NRG1: variants seen among roughly 807,000 people sequenced by gnomAD.
NRG1 encodes the protein pro-neuregulin-1, membrane-bound isoform.
In NRG1, 18 loss-of-function variants were observed where a neutral mutation model predicts 63.8. The observed-to-expected ratio is 0.28, with a 90% CI of 0.19 to 0.42. NRG1 has a LOEUF of 0.42. Ranked by LOEUF, NRG1 falls within the 10% of genes least tolerant of loss-of-function variation. The pLI, the probability that NRG1 is intolerant of heterozygous loss-of-function variation, is 1.00. For missense variants in NRG1, 762 were observed against 814.7 expected, an observed-to-expected ratio of 0.94 and a Z score of 0.79; for synonymous variants, 302 against 301.3, an observed-to-expected ratio of 1.00 and a Z score of -0.02.
At chr8:32,234,498 A>T (rs1198317951) in intron 1 of NRG1, among the ~76,000 whole-genome samples, 2 of 152,218 alleles carry the variant, frequency 1.3e-5, no homozygotes, top group African/African-American at 4.8e-5. Flanking sequence ...CTTGTCCAAT[A>T]TCACAACTTT....
chr8:32,464,262 A>G (rs1563499579), intron 1 of NRG1, among the ~76,000 whole-genome samples: 1 of 149,386 alleles, frequency 6.7e-6, no homozygotes, highest in Non-Finnish European at 1.5e-5. Context: ...TATATTCCCT[A>G]ATTTAAACTT....
At chr8:31,895,819 T>C (rs977627563) in intron 1 of NRG1, among the ~76,000 whole-genome samples, 1 of 152,188 alleles carries the variant, frequency 6.6e-6, no homozygotes, top group African/African-American at 2.4e-5. Flanking sequence ...AACAACTTCT[T>C]TGGCATAGAA....
At chr8:32,177,928 A>G (rs1840979801) in intron 1 of NRG1, among the ~76,000 whole-genome samples, 2 of 152,116 alleles carry the variant, frequency 1.3e-5, no homozygotes, top group African/African-American at 4.8e-5. Flanking sequence ...TTTGTTGTGT[A>G]CAGTGATAGA....
chr8:32,325,316 A>G (rs975107329), intron 1 of NRG1, among the ~76,000 whole-genome samples: 1 of 152,204 alleles, frequency 6.6e-6, no homozygotes, highest in Non-Finnish European at 1.5e-5. Context: ...GCACAATGGC[A>G]TTGATATCAA....
intron 1 of NRG1, among the ~76,000 whole-genome samples, chr8:31,677,682 G>A (rs971990690): frequency 3.9e-5 from 6 of 152,060 alleles, no homozygotes; most frequent in South Asian, 2.1e-4. Context: ...TCAGACTCGC[G>A]GCAGCCAGTC....
At chr8:32,356,622 T>A (rs1304843649) in intron 1 of NRG1, among the ~76,000 whole-genome samples, 1 of 152,106 alleles carries the variant, frequency 6.6e-6, no homozygotes, top group Non-Finnish European at 1.5e-5. Context: ...TACGTGCAAA[T>A]GGGAAGATAA....
intron 5 of NRG1, among the ~76,000 whole-genome samples, chr8:32,709,755 G>T (rs958247467): frequency 2.0e-5 from 3 of 152,010 alleles, no homozygotes; most frequent in African/African-American, 7.2e-5. Flanking sequence ...GTCTCAAGAG[G>T]TTCTGAGAAC....
At chr8:32,362,913 C>G (rs1350170002) in intron 1 of NRG1, among the ~76,000 whole-genome samples, 1 of 152,090 alleles carries the variant, frequency 6.6e-6, no homozygotes, top group Non-Finnish European at 1.5e-5. Context: ...GTTTTCCAGA[C>G]AAGGAAGGAA....
At chr8:32,532,796 A>AT (rs1249060430) in intron 1 of NRG1, among the ~76,000 whole-genome samples, 1 of 152,050 alleles carries the variant, frequency 6.6e-6, no homozygotes, top group Non-Finnish European at 1.5e-5. Context: ...TCATGACTAG[A>AT]TATGATTTAA....
At chr8:32,703,861 A>G (rs1013661241) in intron 5 of NRG1, among the ~76,000 whole-genome samples, 1 of 152,202 alleles carries the variant, frequency 6.6e-6, no homozygotes, top group Non-Finnish European at 1.5e-5. Context: ...TCACCAGGGA[A>G]ACACTAGACC....
intron 1 of NRG1, among the ~76,000 whole-genome samples, chr8:32,348,648 A>T (rs1183643168): frequency 6.6e-6 from 1 of 152,214 alleles, no homozygotes; most frequent in African/African-American, 2.4e-5. Context: ...CTACACTATC[A>T]GTATGGTTTT....
intron 1 of NRG1, among the ~76,000 whole-genome samples, chr8:32,286,017 G>T (rs2129473633): frequency 6.6e-6 from 1 of 152,270 alleles, no homozygotes; most frequent in Non-Finnish European, 1.5e-5. Flanking sequence ...GACTTTCATT[G>T]TACATAGCTT....
chr8:31,897,750 C>T (rs1436900250), intron 1 of NRG1, among the ~76,000 whole-genome samples: 1 of 152,038 alleles, frequency 6.6e-6, no homozygotes, highest in Non-Finnish European at 1.5e-5. Context: ...CATAGTGGCT[C>T]ATGCCTGTAA....
intron 1 of NRG1, among the ~76,000 whole-genome samples, chr8:31,826,203 C>A (rs1375922799): frequency 1.3e-5 from 2 of 152,156 alleles, no homozygotes; most frequent in Non-Finnish European, 1.5e-5. Flanking sequence ...AATTCTGGGA[C>A]ATCCTCCAAG....
At chr8:32,466,142 A>G (rs751381584) in intron 1 of NRG1, among the ~76,000 whole-genome samples, 10 of 152,122 alleles carry the variant, frequency 6.6e-5, no homozygotes, top group Non-Finnish European at 1.2e-4. Flanking sequence ...ATCTTTACAA[A>G]TAATACATAC....
At chr8:32,143,977 C>T (rs1194100824) in intron 1 of NRG1, among the ~76,000 whole-genome samples, 1 of 152,146 alleles carries the variant, frequency 6.6e-6, no homozygotes, top group African/African-American at 2.4e-5. Flanking sequence ...TTATGTTTAG[C>T]GTCAATTTCT....
intron 1 of NRG1, among the ~76,000 whole-genome samples, chr8:32,374,479 T>C (rs1337929831): frequency 2.6e-5 from 4 of 152,222 alleles, no homozygotes; most frequent in Non-Finnish European, 1.5e-5. Flanking sequence ...TGCCTATCTG[T>C]GTCGCACTCA....
chr8:32,739,876 C>G (rs1380145260), intron 6 of NRG1, among the ~76,000 whole-genome samples: 1 of 152,052 alleles, frequency 6.6e-6, no homozygotes, highest in Non-Finnish European at 1.5e-5. Flanking sequence ...TTGTAAGAAA[C>G]AAATGGATTA....
intron 1 of NRG1, among the ~76,000 whole-genome samples, chr8:31,737,556 A>G (rs1321657811): frequency 6.6e-6 from 1 of 152,162 alleles, no homozygotes; most frequent in Non-Finnish European, 1.5e-5. Flanking sequence ...TGTCCTGTCT[A>G]GCACATTTCT....
Sources: allele counts gnomAD v4.1 joint callset (sites outside exome capture counted in the v4.1 genomes callset), GRCh38; gene constraint gnomAD v4.1.1; transcripts MANE v1.5; gene names NCBI Gene and HGNC (gene_info 2026-07-23, HGNC 2026-07-21).